The following ZNF804A variants were observed in gnomAD, a reference collection of about 807,000 sequenced individuals.
ZNF804A encodes zinc finger protein 804A.
Under a neutral mutation model 16.5 loss-of-function variants are expected in ZNF804A, and 2 were observed. The ratio of observed to expected loss-of-function variants is 0.12; its 90% CI spans 0.05 to 0.38. ZNF804A has a LOEUF of 0.38. Ranked by LOEUF, ZNF804A falls within the 10% of genes least tolerant of loss-of-function variation. ZNF804A has a pLI of 0.99. For missense variants in ZNF804A, 1,473 were observed against 1,390.7 expected (o/e 1.06, Z -0.94); for synonymous variants, 534 against 489.6 (o/e 1.09, Z -1.20).
chr2:184,821,826 G>A (rs1280953593), intron 1 of ZNF804A, among the ~76,000 whole-genome samples: 1 of 152,114 alleles, frequency 6.6e-6, no homozygotes, highest in Non-Finnish European at 1.5e-5. Context: ...CAACATCACT[G>A]ATCATTAGAG....
intron 1 of ZNF804A, among the ~76,000 whole-genome samples, chr2:184,610,876 G>A (rs898790664): frequency 1.3e-5 from 2 of 152,194 alleles, no homozygotes; most frequent in Admixed American, 6.5e-5. Flanking sequence ...TTAGATAAAA[G>A]ATATGATAAT....
chr2:184,885,945 C>T (rs943055104), intron 2 of ZNF804A, among the ~76,000 whole-genome samples: 1 of 152,146 alleles, frequency 6.6e-6, no homozygotes, highest in Non-Finnish European at 1.5e-5. Flanking sequence ...AATCTCATGT[C>T]CTCACATTTA....
At chr2:184,886,317 C>T (rs1458058229) in intron 2 of ZNF804A, among the ~76,000 whole-genome samples, 1 of 152,190 alleles carries the variant, frequency 6.6e-6, no homozygotes, top group Non-Finnish European at 1.5e-5. Context: ...CGCAGCTCGG[C>T]CCCTGTGGCT....
intron 1 of ZNF804A, among the ~76,000 whole-genome samples, chr2:184,710,049 G>T (rs1045205793): frequency 2.0e-5 from 3 of 151,014 alleles, no homozygotes; most frequent in Admixed American, 6.6e-5. Context: ...TGATACATTT[G>T]TATCTGTTTT....
intron 1 of ZNF804A, among the ~76,000 whole-genome samples, chr2:184,731,345 C>G (rs1207940912): frequency 6.6e-6 from 1 of 150,964 alleles, no homozygotes; most frequent in East Asian, 1.9e-4. Context: ...TTTGCATTCC[C>G]ACTAGCAATA....
At chr2:184,889,748 C>G (rs1200440629) in intron 2 of ZNF804A, among the ~76,000 whole-genome samples, 2 of 151,840 alleles carry the variant, frequency 1.3e-5, no homozygotes, top group African/African-American at 4.8e-5. Context: ...GCTTCTTATT[C>G]AATTGCGTGC....
intron 1 of ZNF804A, among the ~76,000 whole-genome samples, chr2:184,843,312 G>A (rs964918739): frequency 6.6e-6 from 1 of 151,954 alleles, no homozygotes; most frequent in African/African-American, 2.4e-5. Flanking sequence ...GCCCAGGCTG[G>A]AGTACAGTGG....
chr2:184,865,482 G>A (rs949172045), intron 1 of ZNF804A, among the ~76,000 whole-genome samples: 1 of 151,992 alleles, frequency 6.6e-6, no homozygotes, highest in Non-Finnish European at 1.5e-5. Context: ...GCGAGAGGGG[G>A]CAAGAAAGAG....
At chr2:184,621,680 A>C (rs903597764) in intron 1 of ZNF804A, among the ~76,000 whole-genome samples, 5 of 151,760 alleles carry the variant, frequency 3.3e-5, no homozygotes, top group Non-Finnish European at 7.4e-5. Flanking sequence ...CATGTACCCC[A>C]AAAAAGTGTG....
At chr2:184,650,679 A>C (rs1438843592) in intron 1 of ZNF804A, among the ~76,000 whole-genome samples, 1 of 151,748 alleles carries the variant, frequency 6.6e-6, no homozygotes, top group Admixed American at 6.6e-5. Context: ...AATCCCATTT[A>C]CAATAGCTAA....
chr2:184,639,981 G>T (rs1325127548), intron 1 of ZNF804A, among the ~76,000 whole-genome samples: 1 of 152,060 alleles, frequency 6.6e-6, no homozygotes, highest in African/African-American at 2.4e-5. Context: ...CAGCCTGGGC[G>T]ACAGGGCGAG....
rs541806457 is a variant in ZNF804A at position 184,639,786 on chromosome 2, A to C, written c.111+40716A>C. On this transcript the variant is annotated intron_variant, in intron 1 of 3. Coordinates refer to ENST00000302277, the MANE Select transcript of ZNF804A (RefSeq NM_194250.2). ...GGGAGGCCAAGGCAGGCGGATCACG[A>C]GGTCAGGAGATTGAGACCATCCTGG... Among the ~76,000 whole-genome samples the C allele has an allele frequency of 5.3e-5, 8 of 152,158 alleles. No individual in the cohort carries two copies. In the South Asian group the frequency reaches 1.7e-3, roughly 32 times the overall value.
rs1360017985 is a variant in ZNF804A at position 184,888,497 on chromosome 2, G to T, written c.255+21985G>T. 3.3e-5 allele frequency among the ~76,000 whole-genome samples: 5 copies of T among 152,084 alleles called. No individual in the cohort carries two copies. The East Asian group carries it at 9.8e-4, about 30-fold the overall frequency. On this transcript the variant is annotated intron_variant, in intron 2 of 3. Coordinates refer to ENST00000302277, the MANE Select transcript of ZNF804A (RefSeq NM_194250.2). ...TTATTTAGATCCCTTGCTCAATTTG[G>T]TTCTCTGATCTCTCTGTTGGTATGT...
chr2:184,643,327 G>A (rs1254813042), intron 1 of ZNF804A, among the ~76,000 whole-genome samples: 1 of 151,880 alleles, frequency 6.6e-6, no homozygotes, highest in African/African-American at 2.4e-5. Context: ...AAACATTTTT[G>A]AACCTTGGAT....
chr2:184,811,327 TTGTTTCATAGA>T (rs1475564238), intron 1 of ZNF804A, among the ~76,000 whole-genome samples: 1 of 152,216 alleles, frequency 6.6e-6, no homozygotes, highest in African/African-American at 2.4e-5. Context: ...ACTTTCTAAG[TTGTTTCATAGA>T]TAAAACCACC....
chr2:184,622,899 C>T (rs1691440822), intron 1 of ZNF804A, among the ~76,000 whole-genome samples: 1 of 151,948 alleles, frequency 6.6e-6, no homozygotes, highest in African/African-American at 2.4e-5. Context: ...GGTGCCCACA[C>T]AACAAAGATA....
chr2:184,875,564 ATCAGCCTCTTTTCTTTATAAAT>A (rs1696042211), intron 2 of ZNF804A, among the ~76,000 whole-genome samples: 1 of 152,104 alleles, frequency 6.6e-6, no homozygotes, highest in Non-Finnish European at 1.5e-5. Context: ...TGTGAGCCAA[ATCAGCCTCTTTTCTTTATAAAT>A]TACTGAGCTT....
At chr2:184,766,402 A>G (rs1396785604) in intron 1 of ZNF804A, among the ~76,000 whole-genome samples, 1 of 152,092 alleles carries the variant, frequency 6.6e-6, no homozygotes, top group Admixed American at 6.5e-5. Flanking sequence ...AATCATAGAT[A>G]TACCCAAAAG....
At chr2:184,694,564 G>A (rs1411450176) in intron 1 of ZNF804A, among the ~76,000 whole-genome samples, 1 of 152,104 alleles carries the variant, frequency 6.6e-6, no homozygotes, top group Non-Finnish European at 1.5e-5. Context: ...TAACCTAAGA[G>A]TATATAATTG....
Sources: allele counts gnomAD v4.1 joint callset (sites outside exome capture counted in the v4.1 genomes callset), GRCh38; gene constraint gnomAD v4.1.1; transcripts MANE v1.5; gene names NCBI Gene and HGNC (gene_info 2026-07-23, HGNC 2026-07-21).